Variants in EPRS1 observed in about 807,000 individuals in gnomAD.
EPRS1 encodes the protein glutamyl-prolyl-tRNA synthetase 1.
Under a neutral mutation model 188.3 loss-of-function variants are expected in EPRS1, and 107 were observed. The observed-to-expected ratio is 0.57, with a 90% confidence interval of 0.49 to 0.67. The LOEUF is 0.67. Among genes scored for constraint, EPRS1 ranks in the 30% least tolerant of loss-of-function variants. The probability of loss-of-function intolerance (pLI) is 0.00; values close to 1 mark genes in which losing one functional copy is unlikely to be tolerated. For synonymous variants in EPRS1, 596 were observed against 593.1 expected, an observed-to-expected ratio of 1.00 and a Z score of -0.07; for missense variants, 1,577 against 1,802.2, an observed-to-expected ratio of 0.88 and a Z score of 2.26.
At chr1:220,030,789 T>C (rs761655376) in intron 5 of EPRS1, among the ~76,000 whole-genome samples, 2 of 152,086 alleles carry the variant, frequency 1.3e-5, no homozygotes, top group Non-Finnish European at 1.5e-5. Context: ...AGTAGAAATG[T>C]ATCAGATGGA....
At position 219,979,610 on chromosome 1, in the gene EPRS1, T is replaced by C. The variant is rs1660853715; in HGVS notation, c.3717A>G (p.Gly1239=). The C allele has an allele frequency of 3.7e-6, 6 of 1,608,740 alleles. 1 individual carries two copies. The South Asian group carries it at 6.6e-5, about 18-fold the overall frequency. ...ISASGRAIQG[G]TSHHLGQNFS... is the part of the protein sequence containing the mutation. ...AATTCTGCCCTAAATGATGTGATGTTCCTCCCTAAAATAGAGAGAGAAAAA... is the reference window on the plus strand; with the variant it reads ...AATTCTGCCCTAAATGATGTGATGTCCCTCCCTAAAATAGAGAGAGAAAAA... Residue 1239 remains glycine (G), a synonymous_variant, in exon 27 of 32, where the codon GGA becomes GGG. Coordinates refer to ENST00000366923, the MANE Select transcript of EPRS1 (RefSeq NM_004446.3).
At chr1:220,006,581 T>G (rs1414408213) in intron 14 of EPRS1, among the ~76,000 whole-genome samples, 1 of 152,094 alleles carries the variant, frequency 6.6e-6, no homozygotes, top group Admixed American at 6.6e-5. Flanking sequence ...CACATACAAT[T>G]GATGAGGAAC....
At chr1:219,981,495 C>T (rs753241098) in intron 23 of EPRS1, 38 bp from the exon 24 acceptor site, 2 of 1,350,442 alleles carry the variant, frequency 1.5e-6, no homozygotes, top group African/African-American at 2.9e-5. Flanking sequence ...TCATTTAAGG[C>T]TTTATTTCTC....
At chr1:220,007,071 C>T (rs1661502999) in intron 14 of EPRS1, 131 bp downstream of exon 14, 2 of 640,704 alleles carry the variant, frequency 3.1e-6, no homozygotes, top group Non-Finnish European at 4.9e-6. Flanking sequence ...CCAGAATTTG[C>T]AGTAGCTATG....
chr1:220,010,093 CAA>C (rs3055587), intron 13 of EPRS1, among the ~76,000 whole-genome samples: 8 of 100,480 alleles, frequency 8.0e-5, no homozygotes, highest in Non-Finnish European at 1.1e-4. Flanking sequence ...GCAACTGTCT[CAA>C]AAAAAAAAAA....
Position 220,024,320 on chromosome 1 carries a change from G to A in EPRS1, c.887C>T (p.Ala296Val). The A allele has an allele frequency of 6.2e-7, 1 of 1,613,166 alleles. No homozygotes were observed. Among genetic ancestry groups the A allele is most frequent in the South Asian group, 1.1e-5 (1 of 90,950 alleles). The change falls in exon 8 of 32, where the codon GCT becomes GTT. Residue 296 changes from alanine (A) to valine (V), a missense_variant. By Grantham distance (64) the Ala-to-Val change is moderately conservative. Transcript: ENST00000366923. ...EGKAYVDDTP[A>V]EQMKAEREQR... Reference sequence around the variant, plus strand: ...CTCACGTTCTGCTTTCATCTGTTCAGCAGGAGTATCATCCACATAAGCCTT... The same window carrying A: ...CTCACGTTCTGCTTTCATCTGTTCAACAGGAGTATCATCCACATAAGCCTT...
intron 1 of EPRS1, among the ~76,000 whole-genome samples, chr1:220,043,929 A>G (rs1437713506): frequency 6.6e-6 from 1 of 152,196 alleles, no homozygotes. Context: ...AAATAATGAT[A>G]GAACAAGGAT....
chr1:219,999,839 G>A (rs956761216), intron 17 of EPRS1, among the ~76,000 whole-genome samples: 2 of 152,174 alleles, frequency 1.3e-5, no homozygotes, highest in African/African-American at 4.8e-5. Context: ...AGCTGGGCAT[G>A]GTGGTGCGTG....
At chr1:219,982,911 A>C in intron 22 of EPRS1, 67 bp from the exon 23 acceptor site, 1 of 1,376,124 alleles carries the variant, frequency 7.3e-7, no homozygotes. Context: ...GTACAAATGC[A>C]GGCAAATTTC....
chr1:220,018,950 C>T (rs761129028), intron 11 of EPRS1, 45 bp downstream of exon 11: 1 of 1,257,262 alleles, frequency 8.0e-7, no homozygotes, highest in Admixed American at 1.7e-5. Flanking sequence ...AATAGAAGTA[C>T]CTGAAATTTC....
At chr1:220,039,868 C>T (rs576248267) in intron 2 of EPRS1, among the ~76,000 whole-genome samples, 4 of 152,296 alleles carry the variant, frequency 2.6e-5, no homozygotes, top group Middle Eastern at 3.4e-3. Context: ...TGGTGGCTCA[C>T]GTCTTTAACC....
At chr1:220,011,954 T>C (rs1281026106) in intron 12 of EPRS1, among the ~76,000 whole-genome samples, 2 of 151,916 alleles carry the variant, frequency 1.3e-5, no homozygotes, top group Non-Finnish European at 2.9e-5. Context: ...CAGAAAACAG[T>C]GGTATAATTA....
chr1:220,030,264 C>T (rs908723031), intron 6 of EPRS1, 122 bp downstream of exon 6: 1 of 606,378 alleles, frequency 1.6e-6, no homozygotes, highest in African/African-American at 1.9e-5. Context: ...TTTTAACTCT[C>T]ACAATTAAAA....
In EPRS1 at chr1:219,993,494, A is replaced by G. The variant is rs149995008; in HGVS notation, c.2541+3489T>C. ...TAAAAGTTCTTTCATAGAAGCATCT[A>G]TCTGATCCTGAAGCAGGAAAGAGAA... On this transcript the variant is annotated intron_variant, in intron 18 of 31. Transcript: ENST00000366923. Among the ~76,000 whole-genome samples, 179 of 152,320 alleles carry G rather than the reference A, an allele frequency of 1.2e-3. 1 individual carries two copies. Among genetic ancestry groups the G allele is most frequent in the African/African-American group, 3.8e-3 (159 of 41,584 alleles).
intron 27 of EPRS1, 123 bp from the exon 28 acceptor site, chr1:219,978,842 C>A (rs1426797430): frequency 9.0e-6 from 6 of 666,366 alleles, no homozygotes; most frequent in African/African-American, 1.8e-5. Context: ...GATTTCTAAT[C>A]TTATATATAA....
intron 28 of EPRS1, among the ~76,000 whole-genome samples, chr1:219,977,695 C>A (rs1397938895): frequency 6.6e-6 from 1 of 152,044 alleles, no homozygotes; most frequent in Admixed American, 6.6e-5. Context: ...AAAAGGGAAA[C>A]AATTATCAAT....
At chr1:220,024,168 C>T (rs533056646) in intron 8 of EPRS1, 96 bp downstream of exon 8, 2 of 867,138 alleles carry the variant, frequency 2.3e-6, no homozygotes, top group Non-Finnish European at 3.4e-6. Context: ...AACAAACAAA[C>T]AAAAAAACTA....
At chr1:220,014,853 T>C (rs7550249) in intron 12 of EPRS1, among the ~76,000 whole-genome samples, 121,982 of 152,070 alleles carry the variant, frequency 0.8, 49,089 homozygotes, top group East Asian at 0.93. Context: ...CTGAGAAATA[T>C]CTTTAACGTG....
chr1:220,011,881 T>C (rs1661611955), intron 12 of EPRS1, among the ~76,000 whole-genome samples: 1 of 152,152 alleles, frequency 6.6e-6, no homozygotes, highest in Admixed American at 6.5e-5. Context: ...GTGAGAAAAA[T>C]GTAGATGAAA....
Sources: allele counts gnomAD v4.1 joint callset (sites outside exome capture counted in the v4.1 genomes callset), GRCh38; gene constraint gnomAD v4.1.1; transcripts MANE v1.5; gene names NCBI Gene and HGNC (gene_info 2026-07-23, HGNC 2026-07-21).